Variants in CLECL1 observed in about 807,000 individuals in gnomAD.
CLECL1 encodes the protein C-type lectin like 1.
exon 1 of CLECL1, chr12:9,732,992 A>C: frequency 6.2e-7 from 1 of 1,613,046 alleles, no homozygotes; most frequent in Non-Finnish European, 8.5e-7. Flanking sequence ...GGGAAGTCCG[A>C]ACAGTTTTGA....
chr12:9,726,720 T>TAAGGGTAAGAA (rs1349566197), intron 3 of CLECL1, among the ~76,000 whole-genome samples: 1 of 151,956 alleles, frequency 6.6e-6, no homozygotes, highest in Non-Finnish European at 1.5e-5. Flanking sequence ...AACAATAGAA[T>TAAGGGTAAGAA]AAGGGTAAGA....
chr12:9,721,617 T>C (rs1324238494), downstream of CLECL1, among the ~76,000 whole-genome samples: 1 of 152,256 alleles, frequency 6.6e-6, no homozygotes, highest in African/African-American at 2.4e-5. Flanking sequence ...GCAGGAGATA[T>C]ATGAGATTCT....
At chr12:9,705,342 C>A in the CLECL1 span, among the ~76,000 whole-genome samples, 2 of 151,590 alleles carry the variant, frequency 1.3e-5, no homozygotes, top group Non-Finnish European at 2.9e-5. Context: ...AAAATTTTAT[C>A]CCATTCTGTA....
At chr12:9,706,689 A>G in the CLECL1 span, among the ~76,000 whole-genome samples, 1 of 152,352 alleles carries the variant, frequency 6.6e-6, no homozygotes, top group South Asian at 2.1e-4. Context: ...CCAACCTTGC[A>G]TCCCAAAGAT....
At chr12:9,718,320 G>C (rs1245380593), downstream of CLECL1, among the ~76,000 whole-genome samples, 1 of 151,700 alleles carries the variant, frequency 6.6e-6, no homozygotes, top group East Asian at 1.9e-4. Flanking sequence ...ATTAAATCTA[G>C]TTGGTTGTTA....
chr12:9,708,769 A>AAGTG, the CLECL1 span: 1 of 165,164 alleles, frequency 6.1e-6, no homozygotes, highest in African/African-American at 2.4e-5. Flanking sequence ...CTCAGGGACA[A>AAGTG]AAGGTGGAAA....
chr12:9,734,335 A>T (rs972061514), upstream of CLECL1, among the ~76,000 whole-genome samples: 5 of 152,198 alleles, frequency 3.3e-5, no homozygotes, highest in Non-Finnish European at 7.3e-5. Flanking sequence ...AGACTGCATG[A>T]CACTCTCTCC....
intron 2 of CLECL1, among the ~76,000 whole-genome samples, chr12:9,728,409 A>G (rs10743820): frequency 0.9 from 136,547 of 151,640 alleles, 61,526 homozygotes; most frequent in East Asian, 0.97. Context: ...TTGATACATC[A>G]TACTTTTAAT....
the CLECL1 span, chr12:9,708,939 G>T: frequency 3.9e-6 from 1 of 254,196 alleles, no homozygotes; most frequent in South Asian, 6.1e-5. Flanking sequence ...GAACCATTGG[G>T]ACGGCTTTGA....
At chr12:9,708,327 A>G in the CLECL1 span, among the ~76,000 whole-genome samples, 2 of 152,114 alleles carry the variant, frequency 1.3e-5, no homozygotes, top group African/African-American at 4.8e-5. Flanking sequence ...TCCCCATTCT[A>G]ACACTGTTTC....
the CLECL1 span, chr12:9,709,126 A>G: frequency 6.4e-6 from 1 of 155,814 alleles, no homozygotes; most frequent in African/African-American, 2.4e-5. Flanking sequence ...ACATATATGC[A>G]GGCTTTCTAT....
At chr12:9,730,130 A>T (rs762379638) in intron 1 of CLECL1, among the ~76,000 whole-genome samples, 5 of 152,224 alleles carry the variant, frequency 3.3e-5, no homozygotes, top group Non-Finnish European at 5.9e-5. Flanking sequence ...GATTATTTTA[A>T]CGCAATACCC....
chr12:9,722,175 G>A (rs1866321328), downstream of CLECL1, among the ~76,000 whole-genome samples: 1 of 152,136 alleles, frequency 6.6e-6, no homozygotes, highest in Non-Finnish European at 1.5e-5. Context: ...CCTCCATTCA[G>A]CAAAACTTCA....
chr12:9,705,788 T>C, the CLECL1 span, among the ~76,000 whole-genome samples: 1 of 152,230 alleles, frequency 6.6e-6, no homozygotes, highest in Non-Finnish European at 1.5e-5. Flanking sequence ...CCATGCTGTT[T>C]TGGTTACTGT....
At chr12:9,728,753 G>T (rs1866411154) in intron 2 of CLECL1, among the ~76,000 whole-genome samples, 1 of 151,814 alleles carries the variant, frequency 6.6e-6, no homozygotes, top group Non-Finnish European at 1.5e-5. Context: ...TATGCCATTG[G>T]CTAGTTACAT....
chr12:9,729,841 A>G (rs1866425396), intron 1 of CLECL1, among the ~76,000 whole-genome samples: 1 of 151,968 alleles, frequency 6.6e-6, no homozygotes, highest in Admixed American at 6.6e-5. Flanking sequence ...CAAAACACAC[A>G]TATGCGAGTA....
At position 9,728,154 on chromosome 12, in the gene CLECL1, A is replaced by C. The variant is rs115752892; in HGVS notation, n.169-496T>G. ...TAGCCCAGAGTAGTTTTTTTCTGCA[A>C]CGAAGAAAATATTTGTCTTTCTGCT... On this transcript the variant is annotated intron_variant and non_coding_transcript_variant, in intron 2 of 3. Transcript: ENST00000621400. 1.2e-4 allele frequency among the ~76,000 whole-genome samples: 18 copies of C among 151,974 alleles called. No individual in the cohort carries two copies. In the East Asian group the frequency reaches 3.3e-3, roughly 28 times the overall value.
the CLECL1 span, among the ~76,000 whole-genome samples, chr12:9,705,448 T>G: frequency 1.3e-5 from 2 of 152,220 alleles, no homozygotes; most frequent in African/African-American, 4.8e-5. Flanking sequence ...TACAATTGCT[T>G]TTGGCATCTT....
intron 1 of CLECL1, among the ~76,000 whole-genome samples, chr12:9,730,517 G>A (rs1440938331): frequency 6.6e-6 from 1 of 152,072 alleles, no homozygotes; most frequent in East Asian, 1.9e-4. Flanking sequence ...TTTATGTGCT[G>A]ATTATTATTG....
Sources: gnomAD v4.1 joint callset for allele counts (sites outside exome capture counted in the v4.1 genomes callset) on GRCh38, gnomAD v4.1.1 for gene constraint, MANE v1.5 for transcripts, NCBI Gene and HGNC (gene_info 2026-07-23, HGNC 2026-07-21) for gene names.